PRDM16: variants seen among roughly 807,000 people sequenced by gnomAD.
PRDM16 encodes histone-lysine N-methyltransferase PRDM16.
Under a neutral mutation model 110.6 loss-of-function variants are expected in PRDM16, and 23 were observed. The observed-to-expected ratio is 0.21, with a 90% CI of 0.15 to 0.29. The LOEUF (loss-of-function observed/expected upper bound fraction) is 0.29, where lower values mean the gene tolerates loss of function less well. Ranked by LOEUF, PRDM16 falls within the 10% of genes least tolerant of loss-of-function variation. The probability of loss-of-function intolerance (pLI) is 1.00; values close to 1 mark genes in which losing one functional copy is unlikely to be tolerated. For synonymous variants in PRDM16, 799 were observed against 781.8 expected, an observed-to-expected ratio of 1.02 and a Z score of -0.37; for missense variants, 1,615 against 1,794.3, an observed-to-expected ratio of 0.90 and a Z score of 1.81.
Position 3,359,781 on chromosome 1 carries a change from C to T in PRDM16, c.439-25371C>T, listed in dbSNP as rs547968172. On this transcript the variant is annotated intron_variant, in intron 3 of 16. Coordinates refer to ENST00000270722, the MANE Select transcript of PRDM16 (RefSeq NM_022114.4). This position sits in a 1 kb window ranked among gnomAD's most constrained non-coding sequence, Gnocchi z 4.3. ...CCTCAGCGGCAGCCAGAAGGCAAGG[C>T]GGGAAAAACGAGCCTGGCCTGAAAC... 4.6e-5 allele frequency among the ~76,000 whole-genome samples: 7 copies of T among 152,246 alleles called. No individual in the cohort carries two copies. Among genetic ancestry groups the T allele is most frequent in the Non-Finnish European group, 8.8e-5 (6 of 68,020 alleles).
At chr1:3,099,149 G>T (rs931298854) in intron 1 of PRDM16, among the ~76,000 whole-genome samples, 22 of 152,334 alleles carry the variant, frequency 1.4e-4, no homozygotes, top group African/African-American at 5.3e-4. Context: ...CTTCCTGGGG[G>T]CTCCACACAT....
chr1:3,263,019 G>A (rs1266954546), intron 3 of PRDM16, among the ~76,000 whole-genome samples: 1 of 152,146 alleles, frequency 6.6e-6, no homozygotes, highest in Non-Finnish European at 1.5e-5. Context: ...TGCCCCGGCG[G>A]ATGAGGCATC....
At chr1:3,149,954 CG>C (rs746432603) in intron 1 of PRDM16, among the ~76,000 whole-genome samples, 8 of 152,194 alleles carry the variant, frequency 5.3e-5, no homozygotes, top group Non-Finnish European at 1.2e-4. Context: ...GCAGGAGCCC[CG>C]GGGTTATCCA....
At chr1:3,124,378 C>T (rs1028696493) in intron 1 of PRDM16, among the ~76,000 whole-genome samples, 2 of 152,248 alleles carry the variant, frequency 1.3e-5, no homozygotes, top group Non-Finnish European at 2.9e-5. Context: ...CTGAGTGGTT[C>T]TTGGCCTGGC....
At chr1:3,158,616 G>A (rs975062109) in intron 1 of PRDM16, among the ~76,000 whole-genome samples, 1 of 152,114 alleles carries the variant, frequency 6.6e-6, no homozygotes, top group African/African-American at 2.4e-5. Flanking sequence ...GGGGGGAAAA[G>A]AGGAGACTGA....
intron 3 of PRDM16, among the ~76,000 whole-genome samples, chr1:3,262,597 G>A (rs1640186133): frequency 6.6e-6 from 1 of 152,246 alleles, no homozygotes; most frequent in Non-Finnish European, 1.5e-5. Flanking sequence ...AGATGATGAA[G>A]TTGGAGGGAT....
At chr1:3,263,142 C>T (rs926893174) in intron 3 of PRDM16, among the ~76,000 whole-genome samples, 24 of 152,160 alleles carry the variant, frequency 1.6e-4, no homozygotes, top group Non-Finnish European at 2.8e-4. Flanking sequence ...CCACCCCGCA[C>T]GGGTCTCAGG....
intron 1 of PRDM16, among the ~76,000 whole-genome samples, chr1:3,072,261 G>T (rs1641782253): frequency 6.6e-6 from 1 of 152,198 alleles, no homozygotes; most frequent in African/African-American, 2.4e-5. Context: ...CAGGTGGGGG[G>T]TTAGCACCAC....
At chr1:3,240,480 C>T (rs1639644333) in intron 2 of PRDM16, among the ~76,000 whole-genome samples, 1 of 151,782 alleles carries the variant, frequency 6.6e-6, no homozygotes, top group Non-Finnish European at 1.5e-5. Flanking sequence ...AAGGTTTGCT[C>T]TCAATGCCAA....
chr1:3,111,287 G>A (rs1006117711), intron 1 of PRDM16, among the ~76,000 whole-genome samples: 1 of 152,078 alleles, frequency 6.6e-6, no homozygotes, highest in East Asian at 1.9e-4. Context: ...TTAGTGGGGT[G>A]CGGGCAGCAC....
chr1:3,323,969 G>A (rs1489741347), intron 3 of PRDM16, among the ~76,000 whole-genome samples: 1 of 152,196 alleles, frequency 6.6e-6, no homozygotes, highest in Non-Finnish European at 1.5e-5. Flanking sequence ...GAGGCACCAG[G>A]AGAAGCTTCA....
intron 2 of PRDM16, among the ~76,000 whole-genome samples, chr1:3,197,871 C>T (rs761706710): frequency 2.8e-4 from 43 of 152,210 alleles, no homozygotes; most frequent in Middle Eastern, 3.4e-3. Context: ...GGGATGAGCG[C>T]GTGAACCTCG....
chr1:3,287,492 CG>C (rs1341009021), intron 3 of PRDM16, among the ~76,000 whole-genome samples: 1 of 81,414 alleles, frequency 1.2e-5, no homozygotes, highest in Non-Finnish European at 2.6e-5. Flanking sequence ...TTGCATTTAC[CG>C]GGGCTGGAGC....
chr1:3,082,751 C>T (rs969065032), intron 1 of PRDM16, among the ~76,000 whole-genome samples: 2 of 152,214 alleles, frequency 1.3e-5, no homozygotes, highest in African/African-American at 4.8e-5. Flanking sequence ...TCTCAGCTGC[C>T]CCAGGGCTGA....
chr1:3,387,956 C>T (rs538192543), intron 4 of PRDM16, among the ~76,000 whole-genome samples: 52 of 152,348 alleles, frequency 3.4e-4, no homozygotes, highest in Non-Finnish European at 5.3e-4. Context: ...CGCGCTGTGA[C>T]GGCTGTGACG....
chr1:3,238,858 C>T lies in PRDM16; in HGVS notation c.388-5229C>T, dbSNP rs61759181. On this transcript the variant is annotated intron_variant, in intron 2 of 16. Transcript: ENST00000270722. ...CAGGAGGCCCAGACTCGAGTGCGGG[C>T]GCTGCCCTGAGCAGCTCCTCGACAT... 4.7e-3 allele frequency among the ~76,000 whole-genome samples: 709 copies of T among 152,374 alleles called. 3 individuals are homozygous for T. The highest frequency in any genetic ancestry group is 7.4e-3 in the Non-Finnish European group (502 of 68,034).
intron 3 of PRDM16, among the ~76,000 whole-genome samples, chr1:3,383,030 C>T (rs1183732338): frequency 6.6e-6 from 1 of 152,246 alleles, no homozygotes; most frequent in Non-Finnish European, 1.5e-5. Flanking sequence ...GGACCCACGT[C>T]CCCTGTGGAC....
intron 1 of PRDM16, among the ~76,000 whole-genome samples, chr1:3,178,947 C>T (rs1003143488): frequency 8.5e-5 from 13 of 152,298 alleles, no homozygotes; most frequent in Admixed American, 7.2e-4. Context: ...ACCTTCCGGT[C>T]CCACCTCGCT....
chr1:3,405,389 G>GC, intron 7 of PRDM16, 106 bp from the exon 8 acceptor site: 2 of 1,319,046 alleles, frequency 1.5e-6, no homozygotes, highest in South Asian at 3.1e-5. Context: ...CGTGGCAAGA[G>GC]AGACAGGCAG....
Sources: gnomAD v4.1 joint callset for allele counts (sites outside exome capture counted in the v4.1 genomes callset) on GRCh38, gnomAD v4.1.1 for gene constraint, Gnocchi (gnomAD v3.1) non-coding constraint, MANE v1.5 for transcripts, NCBI Gene and HGNC (gene_info 2026-07-23, HGNC 2026-07-21) for gene names.